The following ARHGAP31 variants were observed in gnomAD, a reference collection of about 807,000 sequenced individuals.
The protein encoded by ARHGAP31 is Rho GTPase activating protein 31.
ARHGAP31 carries 34 observed loss-of-function variants against 113.9 expected under a neutral mutation model. That is an observed-to-expected ratio of 0.30 (90% CI 0.23 to 0.40). The LOEUF (loss-of-function observed/expected upper bound fraction) is 0.40, where lower values mean the gene tolerates loss of function less well. Ranked by LOEUF, ARHGAP31 falls within the 10% of genes least tolerant of loss-of-function variation. The pLI is 1.00. For missense variants in ARHGAP31, 1,548 were observed against 1,767.1 expected (o/e 0.88, Z 2.22); for synonymous variants, 650 against 684.8 (o/e 0.95, Z 0.79).
chr3:119,409,256 G>C (rs1215246113), intron 10 of ARHGAP31, among the ~76,000 whole-genome samples: 1 of 152,184 alleles, frequency 6.6e-6, no homozygotes, highest in African/African-American at 2.4e-5. Context: ...GATGGTCCCT[G>C]GTTGAGAACC....
In ARHGAP31 at chr3:119,365,763, G is replaced by A. The variant is rs571364385; in HGVS notation, c.203+345G>A. On this transcript the variant is annotated intron_variant, in intron 2 of 11. Coordinates refer to ENST00000264245, the MANE Select transcript of ARHGAP31 (RefSeq NM_020754.4). ...ATTATCATTTGCTGGCCTGCCCAAA[G>A]CTCAGTTAGACTAGGTTCCTGTTAC... 1.8e-4 allele frequency among the ~76,000 whole-genome samples: 27 copies of A among 152,308 alleles called. No homozygotes were observed. The South Asian group carries it at 5.6e-3, about 32-fold the overall frequency.
At chr3:119,303,115 C>T (rs757764857) in intron 1 of ARHGAP31, among the ~76,000 whole-genome samples, 3 of 152,164 alleles carry the variant, frequency 2.0e-5, no homozygotes, top group African/African-American at 4.8e-5. Flanking sequence ...GTATGCAAAT[C>T]GATGGTGAGT....
rs548232672 is a variant in ARHGAP31, at chr3:119,394,022, G to A, written c.1006+431G>A. Among the ~76,000 whole-genome samples, 12 of 152,264 alleles carry A rather than the reference G, an allele frequency of 7.9e-5. No individual in the cohort carries two copies. The East Asian group carries it at 1.7e-3, about 22-fold the overall frequency. ...GGACAATTCCTCCATCTTTTTGACC[G>A]TGATAACTTGGAAGAGTACTGGCCA... On this transcript the variant is annotated intron_variant, in intron 8 of 11. Coordinates refer to ENST00000264245, the MANE Select transcript of ARHGAP31 (RefSeq NM_020754.4).
chr3:119,393,214 C>T (rs1048042302), intron 7 of ARHGAP31, among the ~76,000 whole-genome samples: 8 of 152,148 alleles, frequency 5.3e-5, no homozygotes, highest in Admixed American at 5.2e-4. Flanking sequence ...CCCACCTCTG[C>T]CTTTAATAGC....
At chr3:119,411,848 C>A (rs2080719913) in intron 11 of ARHGAP31, among the ~76,000 whole-genome samples, 2 of 152,152 alleles carry the variant, frequency 1.3e-5, no homozygotes, top group Non-Finnish European at 1.5e-5. Context: ...ATACCAGGCA[C>A]CTTTTGGCCT....
intron 5 of ARHGAP31, 95 bp downstream of exon 5, chr3:119,382,494 T>C (rs2080410426): frequency 8.0e-7 from 1 of 1,244,330 alleles, no homozygotes; most frequent in Admixed American, 2.1e-5. Flanking sequence ...GAAGCCCCTT[T>C]AAAACAAATC....
intron 2 of ARHGAP31, 151 bp from the exon 3 acceptor site, chr3:119,368,221 G>T (rs1400821373): frequency 2.0e-6 from 2 of 993,372 alleles, no homozygotes; most frequent in African/African-American, 3.2e-5. Context: ...TGACTTCCTA[G>T]GGCCTGGAGT....
Position 119,390,853 on chromosome 3 carries a change from G to C in ARHGAP31, c.751G>C (p.Glu251Gln), listed in dbSNP as rs1181957514. ...LSLPMKLVSL[E>Q]EAQARSLATN... ...CCTGCCCATGAAGCTGGTGAGCCTT[G>C]AGGAAGCTCAAGCCCGCAGCCTGGC... Residue 251 changes from glutamate to glutamine, a missense_variant, in exon 7 of 12, where the codon GAG becomes CAG. Glu to Gln is a conservative substitution (Grantham distance 29). Coordinates refer to ENST00000264245, the MANE Select transcript of ARHGAP31 (RefSeq NM_020754.4). 1 of 1,613,736 alleles carries C rather than the reference G, an allele frequency of 6.2e-7. No homozygotes were observed. The highest frequency in any genetic ancestry group is 1.3e-5 in the African/African-American group (1 of 74,920).
intron 10 of ARHGAP31, among the ~76,000 whole-genome samples, chr3:119,407,642 A>G (rs932105718): frequency 6.6e-6 from 1 of 152,246 alleles, no homozygotes; most frequent in African/African-American, 2.4e-5. Context: ...ACCAGAAGCA[A>G]CAGGGATGAA....
At chr3:119,388,100 A>G (rs1429354829) in intron 6 of ARHGAP31, among the ~76,000 whole-genome samples, 2 of 152,156 alleles carry the variant, frequency 1.3e-5, no homozygotes, top group East Asian at 1.9e-4. Flanking sequence ...GCTGGAACCA[A>G]TGTGGCCTTC....
intron 10 of ARHGAP31, among the ~76,000 whole-genome samples, chr3:119,404,201 T>C (rs1190672343): frequency 6.6e-6 from 1 of 152,132 alleles, no homozygotes; most frequent in African/African-American, 2.4e-5. Flanking sequence ...TTTTGTGAGA[T>C]TTGTTATCCT....
chr3:119,381,803 G>A (rs1368650247), intron 4 of ARHGAP31, among the ~76,000 whole-genome samples: 2 of 152,068 alleles, frequency 1.3e-5, no homozygotes, highest in African/African-American at 4.8e-5. Context: ...TGGCTAACAC[G>A]GTGAAACCCC....
In ARHGAP31 at chr3:119,365,407, A is replaced by G; in HGVS notation, c.192A>G (p.Ile64Met). Residue 64 changes from isoleucine (I) to methionine (M), a missense_variant, in exon 2 of 12, where the codon ATA (isoleucine) becomes ATG (methionine). Ile to Met is a conservative substitution (Grantham distance 10). Coordinates refer to ENST00000264245, the MANE Select transcript of ARHGAP31 (RefSeq NM_020754.4). ...IYRLSGVTSN[I>M]QRLRQEFGSD... ...GGCTTTCAGGAGTCACCTCAAACAT[A>G]CAACGGCTAAGGTAAGCTAAAAGAA... is the stretch of plus-strand genomic sequence containing the variant. 4 of 1,613,848 alleles carry G rather than the reference A, an allele frequency of 2.5e-6. No homozygotes were observed. The highest frequency in any genetic ancestry group is 1.7e-6 in the Non-Finnish European group (2 of 1,179,798).
At chr3:119,312,468 T>C (rs556679853) in intron 1 of ARHGAP31, among the ~76,000 whole-genome samples, 1 of 152,354 alleles carries the variant, frequency 6.6e-6, no homozygotes, top group East Asian at 1.9e-4. Context: ...TCTCTTTTTC[T>C]TCCAGCCTTC....
chr3:119,346,698 A>G (rs528607562), intron 1 of ARHGAP31, among the ~76,000 whole-genome samples: 1 of 152,354 alleles, frequency 6.6e-6, no homozygotes, highest in South Asian at 2.1e-4. Context: ...CCAAAGTGCT[A>G]GTTAGTCTGG....
chr3:119,341,713 G>A (rs1431669236), intron 1 of ARHGAP31: 1 of 151,992 alleles, frequency 6.6e-6, no homozygotes, highest in Non-Finnish European at 1.5e-5. Flanking sequence ...ACTTAGAATG[G>A]TCGTAGTAAC....
intron 3 of ARHGAP31, among the ~76,000 whole-genome samples, chr3:119,377,248 G>A (rs1299478077): frequency 6.6e-6 from 1 of 152,150 alleles, no homozygotes; most frequent in Middle Eastern, 3.2e-3. Flanking sequence ...CATTTTAATG[G>A]AAGGGACAGA....
At chr3:119,312,564 G>A (rs28698751) in intron 1 of ARHGAP31, among the ~76,000 whole-genome samples, 27,285 of 152,068 alleles carry the variant, frequency 0.18, 2,589 homozygotes, top group Non-Finnish European at 0.22. Context: ...AGTACAAGCC[G>A]TCTTCTTCTC....
chr3:119,337,404 GGTGA>G (rs1186317630), intron 1 of ARHGAP31, among the ~76,000 whole-genome samples: 3 of 152,198 alleles, frequency 2.0e-5, no homozygotes, highest in Admixed American at 1.3e-4. Flanking sequence ...AGACCTTTGT[GGTGA>G]GTGTTACAGC....
Sources: gnomAD v4.1 joint callset for allele counts (sites outside exome capture counted in the v4.1 genomes callset) on GRCh38, gnomAD v4.1.1 for gene constraint, MANE v1.5 for transcripts, NCBI Gene and HGNC (gene_info 2026-07-23, HGNC 2026-07-21) for gene names.